RSL1D1: variants seen among roughly 807,000 people sequenced by gnomAD.
RSL1D1 encodes ribosomal L1 domain-containing protein 1.
Under a neutral mutation model 44.6 loss-of-function variants are expected in RSL1D1, and 34 were observed. That is an observed-to-expected ratio of 0.76 (90% CI 0.58 to 1.02). RSL1D1 has a LOEUF of 1.02. RSL1D1 is among the 50% of genes least tolerant of loss of function. The pLI is 0.00. For synonymous variants in RSL1D1, 271 were observed against 207.4 expected, an observed-to-expected ratio of 1.31 and a Z score of -2.63; for missense variants, 767 against 568.1, an observed-to-expected ratio of 1.35 and a Z score of -3.56.
intron 5 of RSL1D1, among the ~76,000 whole-genome samples, chr16:11,844,549 G>C (rs1012862192): frequency 6.6e-5 from 10 of 152,196 alleles, no homozygotes; most frequent in African/African-American, 2.2e-4. Context: ...CTGATGAAGG[G>C]ATTCCCAGCA....
rs2053705157 is a variant in RSL1D1, at chr16:11,834,773, G to C, written c.*3014C>G. 1 of 152,190 alleles carries C rather than the reference G, an allele frequency of 6.6e-6. No individual in the cohort carries two copies. The highest frequency in any genetic ancestry group is 2.4e-5 in the African/African-American group (1 of 41,442). The allele number at this position is 152,190 out of a possible 1,614,324, so 9.4% of individuals were successfully genotyped here. A position where few individuals can be genotyped will look rare whatever the true frequency, so the allele number is the denominator to read the frequency against. Reference sequence around the variant, plus strand: ...GGGTTACAAATAATTTTATATTTTAGATGCTTTCATAATTTAAAAAGTTAA... The same window carrying C: ...GGGTTACAAATAATTTTATATTTTACATGCTTTCATAATTTAAAAAGTTAA... On this transcript the variant is annotated 3_prime_UTR_variant, in exon 9 of 9. Transcript: ENST00000571133.
chr16:11,845,735 T>G (rs1462440599), intron 5 of RSL1D1, among the ~76,000 whole-genome samples: 3 of 150,600 alleles, frequency 2.0e-5, no homozygotes, highest in Non-Finnish European at 4.5e-5. Flanking sequence ...TTTTTTTTTT[T>G]CATTTAAAGA....
At chr16:11,845,200 C>A (rs2053789194) in intron 5 of RSL1D1, among the ~76,000 whole-genome samples, 1 of 152,174 alleles carries the variant, frequency 6.6e-6, no homozygotes, top group Non-Finnish European at 1.5e-5. Flanking sequence ...CGCCTATAAT[C>A]TCAACACTTT....
At chr16:11,842,342 AAAACAAAAAAAC>A (rs1251924025) in intron 5 of RSL1D1, among the ~76,000 whole-genome samples, 5 of 148,740 alleles carry the variant, frequency 3.4e-5, no homozygotes. Context: ...AAAAAAAAAC[AAAACAAAAAAAC>A]AAACAAAAAA....
rs2053755150 is a variant in RSL1D1, at chr16:11,840,121, C to T, written c.856-136G>A. On this transcript the variant is annotated intron_variant, in intron 7 of 8. Coordinates refer to ENST00000571133, the MANE Select transcript of RSL1D1 (RefSeq NM_015659.3). ...TCGATCTATACAGAGAACAAACTCC[C>T]TAACCAGCACTGGAACCTCAACCGC... 5 of 1,354,580 alleles carry T rather than the reference C, an allele frequency of 3.7e-6. No homozygotes were observed. In the East Asian group the frequency reaches 1.2e-4, roughly 31 times the overall value. 83.9% of individuals were successfully genotyped at this position (1,354,580 alleles called of 1,614,324 possible).
chr16:11,851,070 G>A lies in RSL1D1; in HGVS notation c.105+338C>T, dbSNP rs1470749263. ...TCCCGATCCTGGATAACGGGGAGCC[G>A]AAGGGCCCACTTTAAATAACGGGTA... On this transcript the variant is annotated intron_variant, in intron 1 of 8. Coordinates refer to ENST00000571133, the MANE Select transcript of RSL1D1 (RefSeq NM_015659.3). The A allele has an allele frequency of 1.3e-5, 5 of 381,590 alleles. No homozygotes were observed. The Admixed American group carries it at 1.9e-4, about 15-fold the overall frequency. 23.6% of individuals were successfully genotyped at this position (381,590 alleles called of 1,614,324 possible). A position where few individuals can be genotyped will look rare whatever the true frequency, so the allele number is the denominator to read the frequency against.
At chr16:11,839,273 G>A (rs1567417635) in intron 8 of RSL1D1, among the ~76,000 whole-genome samples, 1 of 151,830 alleles carries the variant, frequency 6.6e-6, no homozygotes, top group African/African-American at 2.4e-5. Flanking sequence ...GGCTGAGGAA[G>A]GAGAATTGCT....
rs1187081190 is a variant in RSL1D1 at position 11,846,707 on chromosome 16, T to A, written c.521A>T (p.Tyr174Phe). Residue 174 changes from tyrosine (Y) to phenylalanine (F), a missense_variant, in exon 4 of 9, where the codon TAT (tyrosine) becomes TTT (phenylalanine). Tyr to Phe is a conservative substitution (Grantham distance 22, BLOSUM62 3). Transcript: ENST00000571133. ...CTAAGAAACTTACTTCTTTCTTTGA[T>A]AGAAATGTCTCCCAATGAGTGAGGG... The part of the protein sequence containing the change: ...LLPSLIGRHF[Y>F]QRKKVPVSVN... The A allele has an allele frequency of 6.2e-7, 1 of 1,613,928 alleles. No individual in the cohort carries two copies. Among genetic ancestry groups the A allele is most frequent in the Non-Finnish European group, 8.5e-7 (1 of 1,179,954 alleles).
At chr16:11,840,767 T>C (rs1473713662) in intron 7 of RSL1D1, among the ~76,000 whole-genome samples, 1 of 152,104 alleles carries the variant, frequency 6.6e-6, no homozygotes, top group Non-Finnish European at 1.5e-5. Context: ...TCCAAATACG[T>C]GCACATTAGG....
Position 11,842,009 on chromosome 16 carries a change from T to G in RSL1D1, c.636-9A>C. The G allele has an allele frequency of 5.0e-6, 8 of 1,586,566 alleles. No individual in the cohort carries two copies. Among genetic ancestry groups the G allele is most frequent in the Non-Finnish European group, 6.9e-6 (8 of 1,160,086 alleles). On this transcript the variant is annotated splice_polypyrimidine_tract_variant and intron_variant, in intron 5 of 8. Transcript: ENST00000571133. Reference sequence around the variant, plus strand: ...GACCAATACGTATAGCACTGAAATTTAATATAGTATTAGACAAGATTTTAA... The same window carrying G: ...GACCAATACGTATAGCACTGAAATTGAATATAGTATTAGACAAGATTTTAA...
At chr16:11,839,404 C>T (rs181870661) in intron 8 of RSL1D1, among the ~76,000 whole-genome samples, 187 of 147,816 alleles carry the variant, frequency 1.3e-3, no homozygotes, top group African/African-American at 4.3e-3. Flanking sequence ...AAAAGCCAAC[C>T]GGTTGGGACT....
chr16:11,848,260 CAAAAACA>C (rs2053813168), intron 2 of RSL1D1, among the ~76,000 whole-genome samples: 1 of 151,912 alleles, frequency 6.6e-6, no homozygotes, highest in Admixed American at 6.6e-5. Flanking sequence ...TCTCAAAACA[CAAAAACA>C]AAAAACAAAA....
At chr16:11,839,636 T>C in intron 8 of RSL1D1, 59 bp downstream of exon 8, 3 of 1,590,886 alleles carry the variant, frequency 1.9e-6, no homozygotes, top group South Asian at 2.3e-5. Context: ...GCACAGTACC[T>C]GCCTGACACA....
chr16:11,834,972 G>A lies in RSL1D1; in HGVS notation c.*2815C>T, dbSNP rs2053706413. The A allele has an allele frequency of 6.6e-6, 1 of 152,066 alleles. No homozygotes were observed. Among genetic ancestry groups the A allele is most frequent in the Non-Finnish European group, 1.5e-5 (1 of 68,038 alleles). 9.4% of individuals were successfully genotyped at this position (152,066 alleles called of 1,614,324 possible). The stretch of plus-strand genomic sequence containing the variant: ...CGCAAGACGTAAAAACTGGCCAGCT[G>A]TGATGGCATGCCCCTGTAGTCTGAG... On this transcript the variant is annotated 3_prime_UTR_variant, in exon 9 of 9. Transcript: ENST00000571133.
chr16:11,846,256 G>T (rs1230048452), intron 5 of RSL1D1, among the ~76,000 whole-genome samples: 2 of 151,042 alleles, frequency 1.3e-5, no homozygotes, highest in African/African-American at 2.4e-5. Context: ...TTAGCCGGGC[G>T]TGGTGGCAGG....
rs1051291043 is a variant in RSL1D1, at chr16:11,836,412, C to G, written c.*1375G>C. ...GAGTCTTTGGCATGCAAGAACATTC[C>G]TGCACTGCAGTGAATCTGTGAACTT... On this transcript the variant is annotated 3_prime_UTR_variant, in exon 9 of 9. Coordinates refer to ENST00000571133, the MANE Select transcript of RSL1D1 (RefSeq NM_015659.3). 3.3e-5 allele frequency: 5 copies of G among 152,208 alleles called. No individual in the cohort carries two copies. Among genetic ancestry groups the G allele is most frequent in the Admixed American group, 1.3e-4 (2 of 15,258 alleles). 9.4% of individuals were successfully genotyped at this position (152,208 alleles called of 1,614,324 possible).
chr16:11,850,983 C>A (rs2053833196), intron 1 of RSL1D1: 1 of 241,570 alleles, frequency 4.1e-6, no homozygotes, highest in East Asian at 1.4e-4. Flanking sequence ...AGCCACCGCG[C>A]CCGGCCTACT....
chr16:11,839,634 C>T, intron 8 of RSL1D1, 61 bp downstream of exon 8: 4 of 1,588,408 alleles, frequency 2.5e-6, no homozygotes, highest in Non-Finnish European at 3.4e-6. Context: ...CAGCACAGTA[C>T]CTGCCTGACA....
chr16:11,846,967 G>A lies in RSL1D1; in HGVS notation c.385-124C>T, dbSNP rs1156333501. On this transcript the variant is annotated intron_variant, in intron 3 of 8. Coordinates refer to ENST00000571133, the MANE Select transcript of RSL1D1 (RefSeq NM_015659.3). ...TAGAGCCATGCCTCTATACTTTAATGAACACTTGAGGGCCTAAAATGTGCC... is the reference window on the plus strand; with the variant it reads ...TAGAGCCATGCCTCTATACTTTAATAAACACTTGAGGGCCTAAAATGTGCC... 1.4e-5 allele frequency: 12 copies of A among 829,630 alleles called. No homozygotes were observed. The East Asian group carries it at 2.9e-4, about 20-fold the overall frequency. 51.4% of individuals were successfully genotyped at this position (829,630 alleles called of 1,614,324 possible).
Sources: gnomAD v4.1 joint callset for allele counts (sites outside exome capture counted in the v4.1 genomes callset) on GRCh38, gnomAD v4.1.1 for gene constraint, MANE v1.5 for transcripts, NCBI Gene and HGNC (gene_info 2026-07-23, HGNC 2026-07-21) for gene names.